WDFY1: variants seen among roughly 807,000 people sequenced by gnomAD.
The protein encoded by WDFY1 is WD repeat and FYVE domain-containing protein 1.
WDFY1 carries 32 observed loss-of-function variants against 56.4 expected under a neutral mutation model. That is an observed-to-expected ratio of 0.57 (90% CI 0.43 to 0.76). The LOEUF (loss-of-function observed/expected upper bound fraction) is 0.76. Among genes scored for constraint, WDFY1 ranks in the 30% least tolerant of loss-of-function variants. The pLI, the probability that WDFY1 is intolerant of heterozygous loss-of-function variation, is 0.00. For synonymous variants in WDFY1, 192 were observed against 197.3 expected, an observed-to-expected ratio of 0.97 and a Z score of 0.23; for missense variants, 480 against 545.7, an observed-to-expected ratio of 0.88 and a Z score of 1.20.
chr2:223,898,962 A>C lies in WDFY1; in HGVS notation c.594T>G (p.His198Gln), dbSNP rs762497476. 5 of 1,613,926 alleles carry C rather than the reference A, an allele frequency of 3.1e-6. No homozygotes were observed. The South Asian group carries it at 4.4e-5, about 14-fold the overall frequency. Residue 198 changes from histidine (H) to glutamine (Q), a missense_variant, in exon 6 of 12, where the codon CAT becomes CAG. Physicochemically the swap from His to Gln is conservative, Grantham distance 24. Coordinates refer to ENST00000233055, the MANE Select transcript of WDFY1 (RefSeq NM_020830.5). ...TTGGGTGATAATATAGCCTACCTTC[A>C]TGTCCTTTGAGGGTTGTGATGACTG... ...TCSVITTLKG[H>Q]EGSVACLWWD...
chr2:223,904,989 A>C (rs1011417924), intron 4 of WDFY1, among the ~76,000 whole-genome samples: 1 of 152,252 alleles, frequency 6.6e-6, no homozygotes, highest in Admixed American at 6.5e-5. Flanking sequence ...AAAAGTGCTT[A>C]CAATTCAGTT....
intron 11 of WDFY1, 94 bp downstream of exon 11, chr2:223,880,030 T>C (rs1399147156): frequency 1.8e-6 from 2 of 1,091,638 alleles, no homozygotes; most frequent in Non-Finnish European, 2.8e-6. Flanking sequence ...CTTATAAAGC[T>C]TGCCAGTCAG....
At chr2:223,894,567 T>C (rs1444129630) in intron 7 of WDFY1, 3 of 508,254 alleles carry the variant, frequency 5.9e-6, no homozygotes, top group Non-Finnish European at 1.1e-5. Flanking sequence ...AAATCGGTCA[T>C]TAAGAATTGT....
intron 11 of WDFY1, 83 bp downstream of exon 11, chr2:223,880,041 A>G (rs1319065532): frequency 8.3e-7 from 1 of 1,205,228 alleles, no homozygotes; most frequent in African/African-American, 1.5e-5. Flanking sequence ...TGCCAGTCAG[A>G]AAGAGTGACT....
intron 9 of WDFY1, among the ~76,000 whole-genome samples, chr2:223,882,289 A>G (rs929822899): frequency 1.3e-5 from 2 of 151,828 alleles, no homozygotes; most frequent in African/African-American, 4.8e-5. Context: ...TAATTTTTGT[A>G]TTTTTAGTAG....
At chr2:223,902,548 C>T (rs1336271198) in intron 4 of WDFY1, among the ~76,000 whole-genome samples, 6 of 152,032 alleles carry the variant, frequency 3.9e-5, no homozygotes, top group Admixed American at 6.6e-5. Context: ...CTGGGTAAGA[C>T]AGCGAGACCC....
At chr2:223,921,971 C>G (rs193109421) in intron 1 of WDFY1, among the ~76,000 whole-genome samples, 4 of 152,270 alleles carry the variant, frequency 2.6e-5, no homozygotes, top group African/African-American at 9.6e-5. Context: ...TGACCCCCAG[C>G]TACCTCTCCC....
At chr2:223,879,530 G>A (rs1430315473) in intron 11 of WDFY1, among the ~76,000 whole-genome samples, 1 of 151,904 alleles carries the variant, frequency 6.6e-6, no homozygotes, top group Non-Finnish European at 1.5e-5. Flanking sequence ...CTGGTGGCAG[G>A]CACTTGTAGT....
chr2:223,894,868 G>C (rs1289395455), intron 7 of WDFY1, among the ~76,000 whole-genome samples: 1 of 152,118 alleles, frequency 6.6e-6, no homozygotes, highest in African/African-American at 2.4e-5. Flanking sequence ...TGTTATACTT[G>C]TGTATAATAT....
chr2:223,878,571 G>A lies in WDFY1; in HGVS notation c.*100C>T. 1 of 835,264 alleles carries A rather than the reference G, an allele frequency of 1.2e-6. No individual in the cohort carries two copies. The highest frequency in any genetic ancestry group is 1.5e-5 in the South Asian group (1 of 64,724). 51.7% of individuals were successfully genotyped at this position (835,264 alleles called of 1,614,324 possible). A position where few individuals can be genotyped will look rare whatever the true frequency, so the allele number is the denominator to read the frequency against. On this transcript the variant is annotated 3_prime_UTR_variant, in exon 12 of 12. Transcript: ENST00000233055. ...AAAAATGTTGATTTGTTTGTAAGTGGCTACTGTCCATTCACGAGACAGCGC... is the reference window on the plus strand; with the variant it reads ...AAAAATGTTGATTTGTTTGTAAGTGACTACTGTCCATTCACGAGACAGCGC...
At position 223,945,244 on chromosome 2, in the gene WDFY1, G is replaced by T; in HGVS notation, c.41C>A (p.Pro14Gln). The change falls in exon 1 of 12, where the codon CCG becomes CAG. Residue 14 changes from proline (P) to glutamine (Q), a missense_variant. Coordinates refer to ENST00000233055, the MANE Select transcript of WDFY1 (RefSeq NM_020830.5). Reference protein sequence around the residue: ...EIHSRPQSSRPVLLSKIEGHQ... With the variant: ...EIHSRPQSSRQVLLSKIEGHQ... ...CCCCTCGATCTTGCTCAGCAGCACCGGGCGGCTGCTCTGCGGCCTGGAGTG... is the reference window on the plus strand; with the variant it reads ...CCCCTCGATCTTGCTCAGCAGCACCTGGCGGCTGCTCTGCGGCCTGGAGTG... 1 of 1,590,872 alleles carries T rather than the reference G, an allele frequency of 6.3e-7. No individual in the cohort carries two copies.
At chr2:223,911,920 C>T (rs1486920451) in intron 3 of WDFY1, among the ~76,000 whole-genome samples, 2 of 151,722 alleles carry the variant, frequency 1.3e-5, no homozygotes, top group Non-Finnish European at 2.9e-5. Flanking sequence ...GGGCTCAAGC[C>T]ATCCTCCCAC....
At chr2:223,928,496 C>T (rs1694021366) in intron 1 of WDFY1, among the ~76,000 whole-genome samples, 2 of 152,130 alleles carry the variant, frequency 1.3e-5, no homozygotes, top group South Asian at 4.1e-4. Flanking sequence ...CAGCAGGATA[C>T]CTGCTGACCG....
At chr2:223,911,400 GTTAT>G (rs1347968856) in intron 3 of WDFY1, among the ~76,000 whole-genome samples, 2 of 152,094 alleles carry the variant, frequency 1.3e-5, no homozygotes, top group Admixed American at 6.6e-5. Context: ...ATATAATTAT[GTTAT>G]TTAAGTTATA....
chr2:223,922,311 T>C (rs747826100), intron 1 of WDFY1, among the ~76,000 whole-genome samples: 2 of 152,244 alleles, frequency 1.3e-5, no homozygotes, highest in Non-Finnish European at 2.9e-5. Flanking sequence ...ACAGCCAATA[T>C]ATTATTGCAG....
chr2:223,886,551 C>T (rs1350424678), intron 8 of WDFY1, among the ~76,000 whole-genome samples: 2 of 151,578 alleles, frequency 1.3e-5, no homozygotes, highest in Non-Finnish European at 2.9e-5. Context: ...GTAGTGAAAC[C>T]CCATCTCTAC....
chr2:223,905,354 T>G (rs866428291), intron 4 of WDFY1, among the ~76,000 whole-genome samples: 8 of 152,152 alleles, frequency 5.3e-5, no homozygotes, highest in Non-Finnish European at 1.2e-4. Flanking sequence ...TTGTCTTAAA[T>G]AATCGGAATT....
intron 8 of WDFY1, among the ~76,000 whole-genome samples, chr2:223,888,382 A>G (rs1033404320): frequency 3.3e-5 from 5 of 151,414 alleles, no homozygotes; most frequent in Admixed American, 6.6e-5. Flanking sequence ...ATTTTCATCA[A>G]AGTGATTGTC....
At chr2:223,902,357 G>A (rs589233) in intron 4 of WDFY1, among the ~76,000 whole-genome samples, 141,665 of 152,210 alleles carry the variant, frequency 0.93, 65,999 homozygotes, top group South Asian at 0.96. Context: ...GAGGCCAGGA[G>A]TTGGAGACCA....
Sources: allele counts gnomAD v4.1 joint callset (sites outside exome capture counted in the v4.1 genomes callset), GRCh38; gene constraint gnomAD v4.1.1; transcripts MANE v1.5; gene names NCBI Gene and HGNC (gene_info 2026-07-23, HGNC 2026-07-21).